SMG6: variants seen among roughly 807,000 people sequenced by gnomAD.
SMG6 encodes the protein SMG6 nonsense mediated mRNA decay factor.
In SMG6, 66 loss-of-function variants were observed where a neutral mutation model predicts 142.2. The ratio of observed to expected loss-of-function variants is 0.46; its 90% CI spans 0.38 to 0.57. SMG6 has a LOEUF of 0.57. Among genes scored for constraint, SMG6 ranks in the 20% least tolerant of loss-of-function variants. SMG6 has a pLI of 0.00. For synonymous variants in SMG6, 779 were observed against 702.4 expected, an observed-to-expected ratio of 1.11 and a Z score of -1.72; for missense variants, 1,793 against 1,832.0, an observed-to-expected ratio of 0.98 and a Z score of 0.39.
intron 15 of SMG6, among the ~76,000 whole-genome samples, chr17:2,081,186 C>T (rs574876583): frequency 2.6e-5 from 4 of 152,138 alleles, no homozygotes; most frequent in African/African-American, 7.2e-5. Flanking sequence ...CTGTCTGCCC[C>T]GAGCCCTAGA....
At chr17:2,089,938 C>T (rs1432777232) in intron 13 of SMG6, among the ~76,000 whole-genome samples, 1 of 152,020 alleles carries the variant, frequency 6.6e-6, no homozygotes, top group African/African-American at 2.4e-5. Context: ...CATGTCAGCA[C>T]TTTGGGAGGC....
intron 8 of SMG6, among the ~76,000 whole-genome samples, chr17:2,249,035 C>T (rs915975863): frequency 4.0e-5 from 6 of 151,864 alleles, no homozygotes; most frequent in East Asian, 1.9e-4. Flanking sequence ...TACAGGCGCC[C>T]GCCACCACGC....
At chr17:2,285,345 C>T (rs216191) in intron 6 of SMG6, among the ~76,000 whole-genome samples, 86,960 of 151,772 alleles carry the variant, frequency 0.57, 26,167 homozygotes, top group East Asian at 0.75. Flanking sequence ...ATGAGACAGA[C>T]AGAAAAAAGA....
intron 8 of SMG6, 113 bp downstream of exon 8, chr17:2,282,534 G>T: frequency 1.0e-6 from 1 of 997,984 alleles, no homozygotes. Context: ...AGCCTCAAGT[G>T]GTTTGTCTTC....
At chr17:2,298,685 T>C (rs1229033649) in intron 2 of SMG6, among the ~76,000 whole-genome samples, 2 of 146,794 alleles carry the variant, frequency 1.4e-5, no homozygotes, top group African/African-American at 5.1e-5. Flanking sequence ...GCCACTGCAC[T>C]CCAGCCTGGG....
chr17:2,205,785 A>G (rs1401544436), intron 10 of SMG6, among the ~76,000 whole-genome samples: 2 of 152,166 alleles, frequency 1.3e-5, no homozygotes, highest in Admixed American at 1.3e-4. Context: ...CCTTACAGAT[A>G]TATAGATAAA....
intron 10 of SMG6, among the ~76,000 whole-genome samples, chr17:2,210,241 G>A (rs1285790745): frequency 2.0e-5 from 3 of 151,440 alleles, no homozygotes; most frequent in Admixed American, 6.6e-5. Flanking sequence ...TTCCTGGGGG[G>A]AACTTGACAA....
rs530780612 is a variant in SMG6 at position 2,279,657 on chromosome 17, T to C, written c.2661+2990A>G. Among the ~76,000 whole-genome samples, 10 of 152,256 alleles carry C rather than the reference T, an allele frequency of 6.6e-5. No homozygotes were observed. In the South Asian group the frequency reaches 1.9e-3, roughly 28 times the overall value. ...GAAGTGGATGGCTTCAAGTTACGATTAGGAGGTGGACTCAACAGTATCCAC... is the reference window on the plus strand; with the variant it reads ...GAAGTGGATGGCTTCAAGTTACGATCAGGAGGTGGACTCAACAGTATCCAC... On this transcript the variant is annotated intron_variant, in intron 8 of 18. Coordinates refer to ENST00000263073, the MANE Select transcript of SMG6 (RefSeq NM_017575.5).
At chr17:2,153,850 A>G (rs113770574) in intron 13 of SMG6, among the ~76,000 whole-genome samples, 53 of 104,446 alleles carry the variant, frequency 5.1e-4, no homozygotes, top group African/African-American at 4.3e-4. Flanking sequence ...GGTGACTGGG[A>G]AACCTGGGGA....
intron 15 of SMG6, among the ~76,000 whole-genome samples, chr17:2,080,333 G>T (rs1016238501): frequency 1.3e-5 from 2 of 151,978 alleles, no homozygotes; most frequent in African/African-American, 4.8e-5. Flanking sequence ...CAAGAGAATC[G>T]CTGGAACCCG....
chr17:2,176,436 A>T (rs1370314063), intron 12 of SMG6, among the ~76,000 whole-genome samples: 12 of 152,196 alleles, frequency 7.9e-5, no homozygotes, highest in Non-Finnish European at 1.8e-4. Context: ...AATCTCAAAC[A>T]ACTTTTGATT....
chr17:2,220,082 C>A (rs1036576617), intron 10 of SMG6, among the ~76,000 whole-genome samples: 1 of 152,104 alleles, frequency 6.6e-6, no homozygotes, highest in African/African-American at 2.4e-5. Flanking sequence ...CCACCACATC[C>A]AGCTAATTTT....
chr17:2,113,499 G>T (rs1286166290), intron 13 of SMG6, among the ~76,000 whole-genome samples: 1 of 152,226 alleles, frequency 6.6e-6, no homozygotes, highest in Non-Finnish European at 1.5e-5. Flanking sequence ...AACAAAGCCG[G>T]CTTGGGAAAG....
chr17:2,218,776 T>C (rs1046007069), intron 10 of SMG6, among the ~76,000 whole-genome samples: 2 of 152,120 alleles, frequency 1.3e-5, no homozygotes, highest in Non-Finnish European at 2.9e-5. Flanking sequence ...ATAAGCTAGT[T>C]ACCCACAGAA....
chr17:2,161,038 TTGTA>T lies in SMG6; in HGVS notation c.3357+11616_3357+11619del, dbSNP rs1363204280. Reference sequence around the variant, plus strand: ...TATTTATTAAGTCTTGAGACAAAGGTTGTATGTATGTATGTAGGTAGGTAGGTAG... The same window carrying T: ...TATTTATTAAGTCTTGAGACAAAGGTTGTATGTATGTAGGTAGGTAGGTAG... On this transcript the variant is annotated intron_variant, in intron 13 of 18. Transcript: ENST00000263073. Among the ~76,000 whole-genome samples, 10 of 151,654 alleles carry T rather than the reference TTGTA, an allele frequency of 6.6e-5. No individual in the cohort carries two copies. The South Asian group carries it at 2.1e-3, about 32-fold the overall frequency.
At chr17:2,298,574 C>T (rs2075196139) in intron 2 of SMG6, among the ~76,000 whole-genome samples, 1 of 151,884 alleles carries the variant, frequency 6.6e-6, no homozygotes, top group African/African-American at 2.4e-5. Context: ...AAAAATTAGC[C>T]GGGTGTGGTG....
chr17:2,277,881 C>A (rs1050894791), intron 8 of SMG6, among the ~76,000 whole-genome samples: 1 of 152,012 alleles, frequency 6.6e-6, no homozygotes, highest in African/African-American at 2.4e-5. Flanking sequence ...CCCATCTCTA[C>A]AAAACATTCT....
rs1284509260 is a variant in SMG6, at chr17:2,068,703, C to T, written c.3835+75G>A. On this transcript the variant is annotated intron_variant, in intron 16 of 18. Transcript: ENST00000263073. The surrounding 1 kb of genome is among the most constrained non-coding windows in gnomAD (Gnocchi z 6.7). ...ACAGCAGGGCTCTGCCTGCCTGGCCCCCAGGCCGTGGGGCGTGTGTGGAGG... is the reference window on the plus strand; with the variant it reads ...ACAGCAGGGCTCTGCCTGCCTGGCCTCCAGGCCGTGGGGCGTGTGTGGAGG... 2 of 1,507,196 alleles carry T rather than the reference C, an allele frequency of 1.3e-6. No individual in the cohort carries two copies. The highest frequency in any genetic ancestry group is 2.3e-5 in the East Asian group (1 of 43,444). The allele number at this position is 1,507,196 out of a possible 1,614,324, so 93.4% of individuals were successfully genotyped here.
At chr17:2,291,376 T>C (rs559678741) in intron 6 of SMG6, among the ~76,000 whole-genome samples, 1 of 149,776 alleles carries the variant, frequency 6.7e-6, no homozygotes, top group African/African-American at 2.5e-5. Flanking sequence ...ATAAAGGTGA[T>C]GGTTAATTGT....
Sources: gnomAD v4.1 joint callset for allele counts (sites outside exome capture counted in the v4.1 genomes callset) on GRCh38, gnomAD v4.1.1 for gene constraint, Gnocchi (gnomAD v3.1) non-coding constraint, MANE v1.5 for transcripts, NCBI Gene and HGNC (gene_info 2026-07-23, HGNC 2026-07-21) for gene names.